Variants in WDR70 observed in about 807,000 individuals in gnomAD.
The protein encoded by WDR70 is WD repeat-containing protein 70.
In WDR70, 53 loss-of-function variants were observed where a neutral mutation model predicts 88.6. The ratio of observed to expected loss-of-function variants is 0.60; its 90% CI spans 0.48 to 0.75. The LOEUF (loss-of-function observed/expected upper bound fraction) is 0.75, where lower values mean the gene tolerates loss of function less well. Among genes scored for constraint, WDR70 ranks in the 30% least tolerant of loss-of-function variants. WDR70 has a pLI of 0.00. For synonymous variants in WDR70, 280 were observed against 270.0 expected (o/e 1.04, Z -0.36); for missense variants, 610 against 823.2 (o/e 0.74, Z 3.17).
chr5:37,441,996 G>T (rs906064464), intron 6 of WDR70, among the ~76,000 whole-genome samples: 9 of 151,428 alleles, frequency 5.9e-5, no homozygotes, highest in Non-Finnish European at 5.9e-5. Context: ...GGATATTGAC[G>T]TGTGAATTGG....
chr5:37,530,964 T>TG (rs1181912639), intron 9 of WDR70, among the ~76,000 whole-genome samples: 1 of 152,130 alleles, frequency 6.6e-6, no homozygotes, highest in Non-Finnish European at 1.5e-5. Context: ...GCACCACTGT[T>TG]GCTGTATCCC....
At chr5:37,617,015 A>G (rs1417475127) in intron 10 of WDR70, among the ~76,000 whole-genome samples, 2 of 152,314 alleles carry the variant, frequency 1.3e-5, no homozygotes, top group Middle Eastern at 3.4e-3. Context: ...TTTTCCAATA[A>G]CTAGATTTTA....
At chr5:37,441,322 T>C (rs1750646297) in intron 6 of WDR70, among the ~76,000 whole-genome samples, 1 of 152,242 alleles carries the variant, frequency 6.6e-6, no homozygotes, top group Admixed American at 6.5e-5. Flanking sequence ...TATATTTTCC[T>C]TGACATCTTT....
chr5:37,507,624 A>AG (rs1740602328), intron 8 of WDR70, among the ~76,000 whole-genome samples: 1 of 152,316 alleles, frequency 6.6e-6, no homozygotes, highest in African/African-American at 2.4e-5. Context: ...AATTTGGAGA[A>AG]TTGATGTTTT....
intron 5 of WDR70, among the ~76,000 whole-genome samples, chr5:37,404,416 A>G (rs1051027458): frequency 6.6e-6 from 1 of 152,254 alleles, no homozygotes; most frequent in Non-Finnish European, 1.5e-5. Context: ...TAAAGGTTTC[A>G]TATACCCTTT....
chr5:37,728,054 T>TA (rs1345672763), intron 17 of WDR70, among the ~76,000 whole-genome samples: 1 of 152,050 alleles, frequency 6.6e-6, no homozygotes, highest in Non-Finnish European at 1.5e-5. Context: ...ATTAGTATAA[T>TA]ACTATTAACT....
At chr5:37,402,964 T>TTTTTTTTTTA (rs1749246505) in intron 5 of WDR70, among the ~76,000 whole-genome samples, 1 of 146,712 alleles carries the variant, frequency 6.8e-6, no homozygotes, top group African/African-American at 2.5e-5. Flanking sequence ...TTTTTTTTTT[T>TTTTTTTTTTA]GAGTCAAAGT....
chr5:37,673,587 C>CCCG (rs1554010675), intron 10 of WDR70, among the ~76,000 whole-genome samples: 2 of 100,594 alleles, frequency 2.0e-5, no homozygotes, highest in African/African-American at 7.7e-5. Context: ...TTTCTTACCC[C>CCCG]CCCCCCACCC....
At chr5:37,720,270 G>A (rs940023952) in intron 13 of WDR70, among the ~76,000 whole-genome samples, 2 of 152,062 alleles carry the variant, frequency 1.3e-5, no homozygotes, top group African/African-American at 4.8e-5. Flanking sequence ...CTCATATCTT[G>A]TTCTATCAGA....
intron 5 of WDR70, among the ~76,000 whole-genome samples, chr5:37,415,450 G>A (rs1464268536): frequency 1.1e-5 from 1 of 88,640 alleles, no homozygotes; most frequent in Non-Finnish European, 2.9e-5. Context: ...GCGGCTGGCC[G>A]GGCCGGGGGC....
At chr5:37,748,221 G>A (rs774577776) in intron 17 of WDR70, among the ~76,000 whole-genome samples, 2 of 152,142 alleles carry the variant, frequency 1.3e-5, no homozygotes, top group Non-Finnish European at 2.9e-5. Flanking sequence ...GAGGCATCAC[G>A]TTACCTGACT....
intron 16 of WDR70, 122 bp downstream of exon 16, chr5:37,725,172 G>A (rs1056738009): frequency 2.7e-6 from 2 of 741,768 alleles, no homozygotes; most frequent in African/African-American, 3.6e-5. Flanking sequence ...GATTTTACTA[G>A]TGTTTTAAAA....
intron 10 of WDR70, among the ~76,000 whole-genome samples, chr5:37,626,737 C>T (rs1242959558): frequency 1.3e-5 from 2 of 152,076 alleles, no homozygotes; most frequent in African/African-American, 2.4e-5. Flanking sequence ...GCAGTAAAGC[C>T]GTCTGGTTTT....
intron 10 of WDR70, among the ~76,000 whole-genome samples, chr5:37,650,741 G>A (rs573016827): frequency 6.6e-6 from 1 of 152,170 alleles, no homozygotes; most frequent in Admixed American, 6.5e-5. Flanking sequence ...TGAGCTCTTG[G>A]GGCAATGGGT....
intron 10 of WDR70, among the ~76,000 whole-genome samples, chr5:37,614,809 A>G (rs1036509188): frequency 6.6e-6 from 1 of 152,168 alleles, no homozygotes; most frequent in South Asian, 2.1e-4. Flanking sequence ...GTGGGTCACT[A>G]GACATTTGGG....
intron 5 of WDR70, among the ~76,000 whole-genome samples, chr5:37,420,448 T>C (rs1160894202): frequency 2.0e-5 from 3 of 152,144 alleles, no homozygotes; most frequent in African/African-American, 7.2e-5. Context: ...TTTTTCTTTT[T>C]TCTTTTTTAG....
At chr5:37,647,395 G>A (rs1745268800) in intron 10 of WDR70, among the ~76,000 whole-genome samples, 1 of 152,130 alleles carries the variant, frequency 6.6e-6, no homozygotes, top group African/African-American at 2.4e-5. Context: ...GTTTGGTAAG[G>A]CAATGTTTTC....
chr5:37,543,660 C>T (rs1306361368), intron 9 of WDR70, among the ~76,000 whole-genome samples: 1 of 152,098 alleles, frequency 6.6e-6, no homozygotes, highest in Non-Finnish European at 1.5e-5. Flanking sequence ...TTAATATTGG[C>T]TTACTTGGAC....
chr5:37,488,886 T>A (rs1739978416), intron 8 of WDR70, among the ~76,000 whole-genome samples: 1 of 152,216 alleles, frequency 6.6e-6, no homozygotes, highest in Admixed American at 6.5e-5. Context: ...GTTCTTACAT[T>A]GTTATCTGTG....
Sources: gnomAD v4.1 joint callset for allele counts (sites outside exome capture counted in the v4.1 genomes callset) on GRCh38, gnomAD v4.1.1 for gene constraint, MANE v1.5 for transcripts, NCBI Gene and HGNC (gene_info 2026-07-23, HGNC 2026-07-21) for gene names.